The following NSF variants were observed in gnomAD, a reference collection of about 807,000 sequenced individuals.
The protein encoded by NSF is vesicle-fusing ATPase.
NSF carries 14 observed loss-of-function variants against 50.3 expected under a neutral mutation model. That is an observed-to-expected ratio of 0.28 (90% CI 0.18 to 0.44). The LOEUF is 0.44. NSF is among the 20% of genes least tolerant of loss of function. The probability of loss-of-function intolerance (pLI) is 1.00; values close to 1 mark genes in which losing one functional copy is unlikely to be tolerated. For missense variants in NSF, 218 were observed against 504.3 expected, an observed-to-expected ratio of 0.43 and a Z score of 5.44; for synonymous variants, 109 against 175.7, an observed-to-expected ratio of 0.62 and a Z score of 3.00.
chr17:46,728,824 A>G (rs752285996), intron 16 of NSF, 31 bp from the exon 17 acceptor site: 2 of 1,488,720 alleles, frequency 1.3e-6, no homozygotes, highest in East Asian at 2.3e-5. Context: ...TGTGTATCAA[A>G]TCCCTAAACA....
intron 1 of NSF, among the ~76,000 whole-genome samples, chr17:46,599,898 C>T (rs1598634394): frequency 8.8e-6 from 1 of 114,188 alleles, no homozygotes; most frequent in Non-Finnish European, 1.7e-5. Flanking sequence ...AAAAATAGAA[C>T]ATTACAGATC....
chr17:46,739,392 A>AAG (rs2059045088), intron 17 of NSF, among the ~76,000 whole-genome samples: 2 of 149,716 alleles, frequency 1.3e-5, no homozygotes, highest in African/African-American at 4.9e-5. Context: ...AAAAAAAAAA[A>AAG]GCCAAGCATG....
intron 9 of NSF, among the ~76,000 whole-genome samples, chr17:46,680,581 T>C (rs2146212039): frequency 7.5e-6 from 1 of 133,780 alleles, no homozygotes; most frequent in South Asian, 2.6e-4. Flanking sequence ...ATACAGAAAG[T>C]AAATCCATTG....
chr17:46,753,950 C>G (rs2059208679), intron 19 of NSF, among the ~76,000 whole-genome samples: 1 of 152,188 alleles, frequency 6.6e-6, no homozygotes, highest in Non-Finnish European at 1.5e-5. Context: ...TTAAAACTTG[C>G]ACAGAGCTGA....
intron 17 of NSF, among the ~76,000 whole-genome samples, chr17:46,743,479 T>C (rs2059097958): frequency 6.6e-6 from 1 of 152,196 alleles, no homozygotes; most frequent in Non-Finnish European, 1.5e-5. Flanking sequence ...ATATTTATGG[T>C]TGAGGAGGAG....
chr17:46,703,697 A>C (rs1482313732), intron 12 of NSF, among the ~76,000 whole-genome samples: 30 of 151,418 alleles, frequency 2.0e-4, no homozygotes, highest in South Asian at 8.3e-4. Context: ...AAAAAAAAAA[A>C]AAAAAAACAA....
chr17:46,728,483 G>A (rs2058913925), intron 16 of NSF, among the ~76,000 whole-genome samples: 1 of 151,882 alleles, frequency 6.6e-6, no homozygotes, highest in African/African-American at 2.4e-5. Context: ...ATAGAGCCGA[G>A]TACAGTGGGA....
chr17:46,732,520 A>C (rs2058960246), intron 17 of NSF, among the ~76,000 whole-genome samples: 1 of 152,150 alleles, frequency 6.6e-6, no homozygotes. Flanking sequence ...AATTTTTCTA[A>C]GTAAATGCAT....
At chr17:46,690,439 TA>T (rs1383256207) in intron 9 of NSF, among the ~76,000 whole-genome samples, 3 of 19,708 alleles carry the variant, frequency 1.5e-4, no homozygotes, top group Non-Finnish European at 2.5e-4. Flanking sequence ...CCATCTCTAC[TA>T]AAAAAAAAAT....
intron 17 of NSF, 89 bp from the exon 18 acceptor site, chr17:46,749,684 A>T: frequency 8.1e-7 from 1 of 1,238,306 alleles, no homozygotes; most frequent in Admixed American, 2.4e-5. Context: ...GATTAAATAA[A>T]AGTCTTTTGC....
At chr17:46,713,515 GAACT>G (rs528834085) in intron 14 of NSF, among the ~76,000 whole-genome samples, 2 of 152,138 alleles carry the variant, frequency 1.3e-5, no homozygotes, top group African/African-American at 4.8e-5. Flanking sequence ...TGATTTGATA[GAACT>G]AACAACATAA....
chr17:46,728,710 A>C, intron 16 of NSF, 145 bp from the exon 17 acceptor site: 1 of 458,860 alleles, frequency 2.2e-6, no homozygotes. Context: ...TTTACTCTTT[A>C]AATTTTTTTT....
intron 1 of NSF, among the ~76,000 whole-genome samples, chr17:46,622,509 G>T (rs1568016517): frequency 6.7e-6 from 1 of 149,854 alleles, no homozygotes; most frequent in African/African-American, 2.5e-5. Context: ...GTGGCTGGAC[G>T]CAGTGGCTCA....
At chr17:46,741,077 A>G (rs2059066149) in intron 17 of NSF, among the ~76,000 whole-genome samples, 1 of 152,196 alleles carries the variant, frequency 6.6e-6, no homozygotes, top group Non-Finnish European at 1.5e-5. Flanking sequence ...AAATTACACA[A>G]ATAAAAACAG....
chr17:46,601,961 A>T (rs1426454566), intron 1 of NSF, among the ~76,000 whole-genome samples: 1 of 145,504 alleles, frequency 6.9e-6, no homozygotes, highest in Non-Finnish European at 1.5e-5. Context: ...AGGCGGGTGG[A>T]TCACTTGAAG....
intron 9 of NSF, among the ~76,000 whole-genome samples, chr17:46,685,580 G>T (rs952050319): frequency 6.6e-6 from 1 of 151,414 alleles, no homozygotes; most frequent in African/African-American, 2.4e-5. Context: ...GAAAGACTTT[G>T]CAGATGTTAA....
intron 15 of NSF, among the ~76,000 whole-genome samples, chr17:46,717,672 A>G (rs2058786295): frequency 6.6e-6 from 1 of 152,200 alleles, no homozygotes; most frequent in African/African-American, 2.4e-5. Flanking sequence ...AGAGCACACC[A>G]CTGCACTCCA....
At chr17:46,716,245 A>G (rs1472277708) in intron 15 of NSF, among the ~76,000 whole-genome samples, 5 of 140,710 alleles carry the variant, frequency 3.6e-5, no homozygotes, top group Admixed American at 7.4e-5. Context: ...ACCTCCCACT[A>G]CTGTTCTTGC....
chr17:46,703,630 G>A (rs1418928887), intron 12 of NSF, among the ~76,000 whole-genome samples: 4 of 132,764 alleles, frequency 3.0e-5, no homozygotes, highest in African/African-American at 5.8e-5. Flanking sequence ...TGCAGCGTCC[G>A]AGATCGCGCC....
Sources: gnomAD v4.1 joint callset for allele counts (sites outside exome capture counted in the v4.1 genomes callset) on GRCh38, gnomAD v4.1.1 for gene constraint, MANE v1.5 for transcripts, NCBI Gene and HGNC (gene_info 2026-07-23, HGNC 2026-07-21) for gene names.